SH2D4A: variants seen among roughly 807,000 people sequenced by gnomAD.
SH2D4A encodes the protein SH2 domain-containing protein 4A.
In SH2D4A, 70 loss-of-function variants were observed where a neutral mutation model predicts 64.7. The ratio of observed to expected loss-of-function variants is 1.08; its 90% CI spans 0.89 to 1.32. The LOEUF (loss-of-function observed/expected upper bound fraction) is 1.32. Ranked by LOEUF, SH2D4A falls within the 40% of genes most tolerant of loss-of-function variation. SH2D4A has a pLI of 0.00. For missense variants in SH2D4A, 706 were observed against 540.1 expected, an observed-to-expected ratio of 1.31 and a Z score of -3.04; for synonymous variants, 268 against 200.7, an observed-to-expected ratio of 1.34 and a Z score of -2.83.
At chr8:19,319,098 C>T in intron 1 of SH2D4A, among the ~76,000 whole-genome samples, 1 of 150,600 alleles carries the variant, frequency 6.6e-6, no homozygotes, top group Non-Finnish European at 1.5e-5. Flanking sequence ...TTTTGTTTGC[C>T]TGAGATTGAC....
chr8:19,329,923 C>T (rs1188575690), intron 2 of SH2D4A, among the ~76,000 whole-genome samples: 1 of 152,188 alleles, frequency 6.6e-6, no homozygotes, highest in Non-Finnish European at 1.5e-5. Context: ...TCTTTATCAG[C>T]AACTTGAAAA....
At chr8:19,348,475 A>T (rs1288685002) in intron 4 of SH2D4A, among the ~76,000 whole-genome samples, 1 of 152,316 alleles carries the variant, frequency 6.6e-6, no homozygotes. Context: ...AAGATATAAT[A>T]TGAAACTTCC....
At chr8:19,341,892 T>TA (rs1306300141) in intron 4 of SH2D4A, among the ~76,000 whole-genome samples, 3 of 151,154 alleles carry the variant, frequency 2.0e-5, no homozygotes, top group South Asian at 4.2e-4. Flanking sequence ...CCCCATTTTC[T>TA]AAAAAAATAC....
intron 8 of SH2D4A, among the ~76,000 whole-genome samples, chr8:19,382,470 A>G (rs533704056): frequency 1.3e-5 from 2 of 152,276 alleles, no homozygotes; most frequent in East Asian, 1.9e-4. Context: ...TTTCAATACA[A>G]TATTCAATAA....
chr8:19,357,118 G>A (rs2052803989), intron 4 of SH2D4A, 85 bp from the exon 5 acceptor site: 3 of 1,125,522 alleles, frequency 2.7e-6, no homozygotes, highest in Non-Finnish European at 4.0e-6. Context: ...GCAGCATTAG[G>A]GAAACCAGGG....
intron 2 of SH2D4A, among the ~76,000 whole-genome samples, chr8:19,327,166 T>C (rs1326167253): frequency 6.6e-6 from 1 of 152,152 alleles, no homozygotes; most frequent in African/African-American, 2.4e-5. Flanking sequence ...GACCCGCCTT[T>C]CTAGAAAAGT....
rs1031255005 is a variant in SH2D4A, at chr8:19,326,148, T to G, written c.181+6420T>G. Among the ~76,000 whole-genome samples the G allele has an allele frequency of 3.3e-5, 5 of 152,348 alleles. No homozygotes were observed. The East Asian group carries it at 9.6e-4, about 29-fold the overall frequency. ...GAACGGTTTTGAATTCTGTTCTCAGTGTTTACTAGCTCTGTGATCTTGGGC... is the reference window on the plus strand; with the variant it reads ...GAACGGTTTTGAATTCTGTTCTCAGGGTTTACTAGCTCTGTGATCTTGGGC... On this transcript the variant is annotated intron_variant, in intron 2 of 9. Transcript: ENST00000265807.
At position 19,366,813 on chromosome 8, in the gene SH2D4A, C is replaced by T. The variant is rs117571693; in HGVS notation, c.917+2531C>T. ...TCTCAACAACAACAAAAAAGATCAA[C>T]CTTTTTGATTCCACAGAAGAGTGAG... is the stretch of plus-strand genomic sequence containing the variant. On this transcript the variant is annotated intron_variant, in intron 7 of 9. Transcript: ENST00000265807. Among the ~76,000 whole-genome samples, 635 of 152,238 alleles carry T rather than the reference C, an allele frequency of 4.2e-3. 1 individual carries two copies. Among genetic ancestry groups the T allele is most frequent in the Non-Finnish European group, 6.2e-3 (423 of 68,028 alleles).
chr8:19,340,601 C>CTTTTTTTTTTTT (rs535915285), intron 4 of SH2D4A, among the ~76,000 whole-genome samples: 16 of 100,524 alleles, frequency 1.6e-4, no homozygotes, highest in South Asian at 3.4e-4. Context: ...TTCTTTCTTT[C>CTTTTTTTTTTTT]TTTTTTTTTT....
At chr8:19,326,795 G>T (rs1293372947) in intron 2 of SH2D4A, among the ~76,000 whole-genome samples, 1 of 152,104 alleles carries the variant, frequency 6.6e-6, no homozygotes, top group Non-Finnish European at 1.5e-5. Context: ...ACTCCTCAAA[G>T]GTGAGTCTTA....
intron 2 of SH2D4A, among the ~76,000 whole-genome samples, chr8:19,328,887 CA>C (rs1200270380): frequency 6.6e-6 from 1 of 152,206 alleles, no homozygotes; most frequent in African/African-American, 2.4e-5. Context: ...CATAACTTGT[CA>C]GGGGTAAAAC....
At chr8:19,318,982 C>CT (rs963405126) in intron 1 of SH2D4A, among the ~76,000 whole-genome samples, 10 of 148,896 alleles carry the variant, frequency 6.7e-5, no homozygotes, top group South Asian at 2.1e-4. Flanking sequence ...CTTCCTGTGA[C>CT]TTTTTTTTTT....
chr8:19,334,538 A>G, intron 3 of SH2D4A, 148 bp from the exon 4 acceptor site: 1 of 766,346 alleles, frequency 1.3e-6, no homozygotes, highest in Non-Finnish European at 2.0e-6. Flanking sequence ...GTCTTTACAC[A>G]CCTAGCAAAG....
At chr8:19,328,379 T>G (rs1161840813) in intron 2 of SH2D4A, among the ~76,000 whole-genome samples, 3 of 152,194 alleles carry the variant, frequency 2.0e-5, no homozygotes, top group African/African-American at 7.2e-5. Context: ...TTTTACTCCT[T>G]AAGCAAATGA....
intron 8 of SH2D4A, among the ~76,000 whole-genome samples, chr8:19,378,754 C>T (rs2053237799): frequency 6.6e-6 from 1 of 151,856 alleles, no homozygotes; most frequent in Non-Finnish European, 1.5e-5. Flanking sequence ...ATCCATAATA[C>T]TGTACAACTG....
At chr8:19,329,161 C>G (rs796821492) in intron 2 of SH2D4A, among the ~76,000 whole-genome samples, 6 of 152,286 alleles carry the variant, frequency 3.9e-5, no homozygotes, top group Non-Finnish European at 7.4e-5. Flanking sequence ...CAAACACACC[C>G]TCACTCTCTG....
At position 19,328,361 on chromosome 8, in the gene SH2D4A, G is replaced by GT. The variant is rs112908755; in HGVS notation, c.182-4583dup. ...GTAGTCTACGCTTCCAAAACAGCTT[G>GT]TTTTTTTTTTTACTCCTTAAGCAAA... is the stretch of plus-strand genomic sequence containing the variant. On this transcript the variant is annotated intron_variant, in intron 2 of 9. Transcript: ENST00000265807. 5.9e-3 allele frequency among the ~76,000 whole-genome samples: 871 copies of GT among 146,970 alleles called. 7 individuals are homozygous for GT. Among genetic ancestry groups the GT allele is most frequent in the Middle Eastern group, 0.018 (5 of 284 alleles).
At chr8:19,325,177 T>A (rs1223666304) in intron 2 of SH2D4A, among the ~76,000 whole-genome samples, 3 of 152,164 alleles carry the variant, frequency 2.0e-5, no homozygotes, top group African/African-American at 2.4e-5. Context: ...GGAGCCACGC[T>A]GTTTCCTCCC....
rs1172185866 is a variant in SH2D4A, at chr8:19,393,427, G to A, written c.1158G>A (p.Leu386=). 2 of 1,614,232 alleles carry A rather than the reference G, an allele frequency of 1.2e-6. No homozygotes were observed. The highest frequency in any genetic ancestry group is 3.3e-5 in the Admixed American group (2 of 60,032). ...TCAAAGGCTATGCCCTGTCCTATCT[G>A]TCGGAGGACGGCTGTAAACATTTCC... is the stretch of plus-strand genomic sequence containing the variant. ...ERIKGYALSY[L]SEDGCKHFLI... is the part of the protein sequence containing the mutation. Residue 386 remains leucine, a synonymous_variant, in exon 9 of 10, where the codon CTG becomes CTA. Coordinates refer to ENST00000265807, the MANE Select transcript of SH2D4A (RefSeq NM_022071.4).
Sources: allele counts gnomAD v4.1 joint callset (sites outside exome capture counted in the v4.1 genomes callset), GRCh38; gene constraint gnomAD v4.1.1; transcripts MANE v1.5; gene names NCBI Gene and HGNC (gene_info 2026-07-23, HGNC 2026-07-21).